The following HIRA variants were observed in gnomAD, a reference collection of about 807,000 sequenced individuals.
The protein encoded by HIRA is histone cell cycle regulator, also known as protein HIRA.
A neutral mutation model predicts 126.6 loss-of-function variants in HIRA; 13 were observed. The observed-to-expected ratio is 0.10, with a 90% CI of 0.07 to 0.16. The LOEUF is 0.16. Ranked by LOEUF, HIRA falls within the 10% of genes least tolerant of loss-of-function variation. The probability of loss-of-function intolerance (pLI) is 1.00; values close to 1 mark genes in which losing one functional copy is unlikely to be tolerated. For synonymous variants in HIRA, 511 were observed against 520.0 expected (o/e 0.98, Z 0.24); for missense variants, 834 against 1,314.4 (o/e 0.63, Z 5.65).
rs534889345 is a variant in HIRA, at chr22:19,336,793, A to G, written c.2938-5237T>C. On this transcript the variant is annotated intron_variant, in intron 24 of 24. Transcript: ENST00000263208. ...GGCTAGACCCAGAAGGGCAATAATA[A>G]TCACCGCAGTCTGGCTCATAGGAAT... Among the ~76,000 whole-genome samples the G allele has an allele frequency of 5.9e-5, 9 of 152,228 alleles. No individual in the cohort carries two copies. The East Asian group carries it at 1.7e-3, about 29-fold the overall frequency.
chr22:19,406,939 C>T (rs548167484), intron 4 of HIRA, among the ~76,000 whole-genome samples: 14 of 152,202 alleles, frequency 9.2e-5, no homozygotes, highest in Non-Finnish European at 1.8e-4. Flanking sequence ...CCACCCACAT[C>T]GGCACTAGAA....
chr22:19,349,115 C>G (rs1366032566), intron 24 of HIRA, among the ~76,000 whole-genome samples: 1 of 150,970 alleles, frequency 6.6e-6, no homozygotes, highest in South Asian at 2.1e-4. Context: ...TTTAAATTTT[C>G]CTTTTCTTGA....
intron 13 of HIRA, among the ~76,000 whole-genome samples, chr22:19,382,767 CTTTCTTTTTTT>C (rs932577399): frequency 2.2e-5 from 3 of 134,292 alleles, no homozygotes; most frequent in African/African-American, 6.6e-5. Context: ...TATCATTTTT[CTTTCTTTTTTT>C]TTTTTTTTTT....
chr22:19,386,766 C>A (rs2089131120), intron 11 of HIRA, among the ~76,000 whole-genome samples: 1 of 152,122 alleles, frequency 6.6e-6, no homozygotes, highest in Non-Finnish European at 1.5e-5. Flanking sequence ...CATAGTGATC[C>A]CAGGTACCTG....
chr22:19,374,009 G>A (rs1419158060), intron 15 of HIRA, among the ~76,000 whole-genome samples: 4 of 151,282 alleles, frequency 2.6e-5, no homozygotes, highest in African/African-American at 9.7e-5. Context: ...AGGGACGAGG[G>A]TTGCATTTAA....
Position 19,351,409 on chromosome 22 carries a change from T to C in HIRA, c.2886A>G (p.Leu962=). Reference sequence around the variant, plus strand: ...CAGTGGAGTAGTGAACCGGACCCAGTAAGTCCTTGCATATTTCTCGAAGTC... The same window carrying C: ...CAGTGGAGTAGTGAACCGGACCCAGCAAGTCCTTGCATATTTCTCGAAGTC... The part of the protein sequence containing the change: ...EYRLREICKD[L]LGPVHYSTGS... Residue 962 remains leucine, a synonymous_variant, in exon 24 of 25, where the codon TTA becomes TTG. Coordinates refer to ENST00000263208, the MANE Select transcript of HIRA (RefSeq NM_003325.4). The surrounding 1 kb of genome is among the most constrained non-coding windows in gnomAD (Gnocchi z 4.8). The C allele has an allele frequency of 6.2e-7, 1 of 1,613,786 alleles. No individual in the cohort carries two copies. Among genetic ancestry groups the C allele is most frequent in the East Asian group, 2.2e-5 (1 of 44,880 alleles).
At chr22:19,417,341 C>T (rs577360001) in intron 1 of HIRA, among the ~76,000 whole-genome samples, 24 of 151,934 alleles carry the variant, frequency 1.6e-4, no homozygotes, top group Non-Finnish European at 2.9e-4. Context: ...TGGCTACTAA[C>T]GGCTGGGTGC....
chr22:19,364,238 CA>C (rs2088892462), intron 15 of HIRA, among the ~76,000 whole-genome samples: 1 of 151,394 alleles, frequency 6.6e-6, no homozygotes, highest in African/African-American at 2.4e-5. Context: ...GTTACGTAAG[CA>C]AAGCAGGCAT....
chr22:19,343,886 AAG>A lies in HIRA; in HGVS notation c.2937+7470_2937+7471del, dbSNP rs71184802. On this transcript the variant is annotated intron_variant, in intron 24 of 24. Transcript: ENST00000263208. The stretch of plus-strand genomic sequence containing the variant: ...GGCCACAGTGAGGGGAAAAAAAAAA[AAG>A]AGAGAGAGAGAGAGAGTCTTGCTAT... Among the ~76,000 whole-genome samples the A allele has an allele frequency of 9.6e-4, 140 of 145,080 alleles. 1 individual carries two copies. The highest frequency in any genetic ancestry group is 3.9e-3 in the East Asian group (19 of 4,914).
rs960484336 is a variant in HIRA, at chr22:19,394,381, G to A, written c.783C>T (p.Asn261=). The A allele has an allele frequency of 4.3e-6, 7 of 1,614,188 alleles. No homozygotes were observed. In the South Asian group the frequency reaches 6.6e-5, roughly 15 times the overall value. ...QIIEREGWKT[N]MDFVGHRKAV... ...CTTTCCGGTGCCCAACAAAGTCCATGTTGGTCTTCCATCCCTCCCGTTCGA... is the reference window on the plus strand; with the variant it reads ...CTTTCCGGTGCCCAACAAAGTCCATATTGGTCTTCCATCCCTCCCGTTCGA... Residue 261 remains asparagine, a synonymous_variant, in exon 8 of 25, where the codon AAC becomes AAT. Transcript: ENST00000263208.
intron 5 of HIRA, among the ~76,000 whole-genome samples, chr22:19,400,832 G>A (rs778948991): frequency 2.0e-5 from 3 of 151,942 alleles, no homozygotes; most frequent in Non-Finnish European, 4.4e-5. Flanking sequence ...TCACCCCACG[G>A]TCATGTCCAG....
chr22:19,401,022 C>G (rs2089263830), intron 5 of HIRA, among the ~76,000 whole-genome samples: 2 of 152,124 alleles, frequency 1.3e-5, no homozygotes, highest in African/African-American at 4.8e-5. Context: ...CCTTACCTCT[C>G]TCCTCCAGCT....
chr22:19,363,097 G>T (rs1205097582), intron 15 of HIRA, among the ~76,000 whole-genome samples: 1 of 151,554 alleles, frequency 6.6e-6, no homozygotes, highest in African/African-American at 2.4e-5. Flanking sequence ...AGCCGGGTGT[G>T]GTGGCGTGTG....
At chr22:19,408,243 C>T (rs1034590829) in intron 3 of HIRA, among the ~76,000 whole-genome samples, 5 of 152,138 alleles carry the variant, frequency 3.3e-5, no homozygotes, top group Admixed American at 6.6e-5. Context: ...CAGGCAGTAA[C>T]GACTCATGAG....
rs575050947 is a variant in HIRA at position 19,390,601 on chromosome 22, CAAAAAAAAA to C, written c.936+1491_936+1499del. Among the ~76,000 whole-genome samples the C allele has an allele frequency of 9.3e-3, 358 of 38,348 alleles. 2 individuals are homozygous for C. Among genetic ancestry groups the C allele is most frequent in the Admixed American group, 0.025 (53 of 2,084 alleles). 25.2% of individuals were successfully genotyped at this position (38,348 alleles called of 152,430 possible). A position where few individuals can be genotyped will look rare whatever the true frequency, so the allele number is the denominator to read the frequency against. ...TGGGCAATAGAGGGAGACTCTGTCT[CAAAAAAAAA>C]AAAAAAAAAAAAAAAAAGAAGCTGA... On this transcript the variant is annotated intron_variant, in intron 9 of 24. Coordinates refer to ENST00000263208, the MANE Select transcript of HIRA (RefSeq NM_003325.4).
intron 13 of HIRA, among the ~76,000 whole-genome samples, chr22:19,382,944 C>T (rs1409228100): frequency 1.3e-5 from 2 of 152,124 alleles, no homozygotes; most frequent in African/African-American, 4.8e-5. Flanking sequence ...CCCAGTAATT[C>T]CACTTCTAGA....
At chr22:19,409,444 T>C (rs1315281529) in intron 2 of HIRA, among the ~76,000 whole-genome samples, 3 of 151,946 alleles carry the variant, frequency 2.0e-5, no homozygotes, top group Non-Finnish European at 4.4e-5. Flanking sequence ...CCATGACACC[T>C]AGCTAATTTT....
At chr22:19,423,813 T>G (rs980276426) in intron 1 of HIRA, among the ~76,000 whole-genome samples, 4 of 152,206 alleles carry the variant, frequency 2.6e-5, no homozygotes, top group African/African-American at 9.6e-5. Context: ...AGGAGTGTTT[T>G]AAAACCATTT....
chr22:19,371,411 A>T (rs1569298524), intron 15 of HIRA, among the ~76,000 whole-genome samples: 1 of 151,394 alleles, frequency 6.6e-6, no homozygotes, highest in Non-Finnish European at 1.5e-5. Context: ...TTCTAAAAGT[A>T]TTTTTTTTGG....
Sources: gnomAD v4.1 joint callset for allele counts (sites outside exome capture counted in the v4.1 genomes callset) on GRCh38, gnomAD v4.1.1 for gene constraint, Gnocchi (gnomAD v3.1) non-coding constraint, MANE v1.5 for transcripts, NCBI Gene and HGNC (gene_info 2026-07-23, HGNC 2026-07-21) for gene names.